Variants in SPATA16 observed in about 807,000 individuals in gnomAD.
SPATA16 encodes spermatogenesis associated 16.
In SPATA16, 36 loss-of-function variants were observed where a neutral mutation model predicts 63.3. The ratio of observed to expected loss-of-function variants is 0.57; its 90% confidence interval spans 0.44 to 0.75. SPATA16 has a LOEUF of 0.75. SPATA16 is among the 30% of genes least tolerant of loss of function. The pLI is 0.00. For synonymous variants in SPATA16, 203 were observed against 216.7 expected, an observed-to-expected ratio of 0.94 and a Z score of 0.56; for missense variants, 646 against 679.3, an observed-to-expected ratio of 0.95 and a Z score of 0.54.
chr3:172,924,200 A>G lies in SPATA16; in HGVS notation c.1338+8T>C. The G allele has an allele frequency of 6.3e-7, 1 of 1,594,704 alleles. No homozygotes were observed. The highest frequency in any genetic ancestry group is 8.6e-7 in the Non-Finnish European group (1 of 1,163,090). On this transcript the variant is annotated splice_region_variant and intron_variant, in intron 8 of 10. Coordinates refer to ENST00000351008, the MANE Select transcript of SPATA16 (RefSeq NM_031955.6). ...CATTGGACAAATATAAAAGACTCAT[A>G]TACCTACATTCAATTGGGTGCTTCT...
chr3:173,007,771 A>T lies in SPATA16; in HGVS notation c.848+11715T>A, dbSNP rs566025930. 4.6e-5 allele frequency among the ~76,000 whole-genome samples: 7 copies of T among 151,754 alleles called. No individual in the cohort carries two copies. The East Asian group carries it at 1.4e-3, about 29-fold the overall frequency. ...TATTGAATTGAACTTGGTAAAATAC[A>T]TCTTTTTTTTTTTTTAACAGCTGGC... On this transcript the variant is annotated intron_variant, in intron 4 of 10. Coordinates refer to ENST00000351008, the MANE Select transcript of SPATA16 (RefSeq NM_031955.6).
chr3:173,003,237 C>A (rs545055326), intron 4 of SPATA16, among the ~76,000 whole-genome samples: 12 of 152,000 alleles, frequency 7.9e-5, no homozygotes, highest in African/African-American at 2.9e-4. Flanking sequence ...AACAAAGATA[C>A]AAATGAGTAC....
chr3:173,012,590 A>G (rs1222298444), intron 4 of SPATA16, among the ~76,000 whole-genome samples: 1 of 152,220 alleles, frequency 6.6e-6, no homozygotes, highest in Non-Finnish European at 1.5e-5. Flanking sequence ...ACAGAGACCT[A>G]CAGAACAGAA....
intron 5 of SPATA16, among the ~76,000 whole-genome samples, chr3:172,957,670 A>G (rs1431984453): frequency 6.6e-6 from 1 of 152,218 alleles, no homozygotes; most frequent in Admixed American, 6.5e-5. Context: ...ATTTTTATTT[A>G]TAGGAATGAA....
At chr3:172,937,529 T>C (rs1307847599) in intron 6 of SPATA16, among the ~76,000 whole-genome samples, 1 of 152,220 alleles carries the variant, frequency 6.6e-6, no homozygotes, top group African/African-American at 2.4e-5. Context: ...CAGATTTCAG[T>C]TGAGCTGAAC....
chr3:172,932,914 A>G (rs1052160615), intron 6 of SPATA16, among the ~76,000 whole-genome samples: 5 of 152,188 alleles, frequency 3.3e-5, no homozygotes, highest in African/African-American at 1.2e-4. Flanking sequence ...CTACTTCTCC[A>G]AGATCAATTT....
chr3:172,949,200 AG>A (rs1255024203), intron 6 of SPATA16, among the ~76,000 whole-genome samples: 2 of 151,952 alleles, frequency 1.3e-5, no homozygotes, highest in Non-Finnish European at 2.9e-5. Context: ...GTGATACCAT[AG>A]AATGTTTTTA....
chr3:173,059,832 CTTTTTTTTTTTTTTTTTTT>C (rs201000096), intron 2 of SPATA16, among the ~76,000 whole-genome samples: 5 of 71,340 alleles, frequency 7.0e-5, no homozygotes, highest in South Asian at 5.6e-4. Flanking sequence ...CATTTGGTAG[CTTTTTTTTTTTTTTTTTTT>C]TTTTTTTTTT....
intron 10 of SPATA16, among the ~76,000 whole-genome samples, chr3:172,912,848 C>T (rs546529698): frequency 3.5e-4 from 53 of 152,274 alleles, no homozygotes; most frequent in African/African-American, 1.2e-3. Context: ...CTAACCACCA[C>T]GTTGTTCAAG....
intron 2 of SPATA16, among the ~76,000 whole-genome samples, chr3:173,098,839 A>G (rs1457106953): frequency 1.3e-5 from 2 of 152,208 alleles, no homozygotes; most frequent in African/African-American, 2.4e-5. Context: ...AGCCGCCCAT[A>G]TGATCACTAA....
At chr3:173,080,326 G>A (rs940384362) in intron 2 of SPATA16, among the ~76,000 whole-genome samples, 4 of 152,208 alleles carry the variant, frequency 2.6e-5, no homozygotes, top group African/African-American at 9.7e-5. Context: ...ACTAGGCAAA[G>A]ACTGAAAAGA....
rs533337713 is a variant in SPATA16, at chr3:172,993,641, T to G, written c.849-16589A>C. Reference sequence around the variant, plus strand: ...TCCTGTGGCATAATTACAATAAATATTAAATGTTTATGTGAGCATATTTGT... The same window carrying G: ...TCCTGTGGCATAATTACAATAAATAGTAAATGTTTATGTGAGCATATTTGT... On this transcript the variant is annotated intron_variant, in intron 4 of 10. Transcript: ENST00000351008. Among the ~76,000 whole-genome samples the G allele has an allele frequency of 2.0e-3, 299 of 152,234 alleles. 1 individual carries two copies. Among genetic ancestry groups the G allele is most frequent in the African/African-American group, 7.0e-3 (289 of 41,548 alleles).
rs559222567 is a variant in SPATA16 at position 173,031,216 on chromosome 3, C to T, written c.759-11641G>A. ...ACACTTAACACTGGGTAAGATCGTA[C>T]ATTTTATGTTATGTATATTTTACCA... On this transcript the variant is annotated intron_variant, in intron 3 of 10. Transcript: ENST00000351008. Among the ~76,000 whole-genome samples, 5 of 152,062 alleles carry T rather than the reference C, an allele frequency of 3.3e-5. No homozygotes were observed. In the South Asian group the frequency reaches 6.2e-4, roughly 19 times the overall value.
chr3:173,023,131 T>TTG (rs1290807119), intron 3 of SPATA16, among the ~76,000 whole-genome samples: 8 of 135,440 alleles, frequency 5.9e-5, no homozygotes, highest in Middle Eastern at 3.7e-3. Context: ...GATTTGATGC[T>TTG]TGTGTATGTG....
intron 6 of SPATA16, among the ~76,000 whole-genome samples, chr3:172,949,926 A>T (rs1354283189): frequency 6.6e-6 from 1 of 152,140 alleles, no homozygotes; most frequent in African/African-American, 2.4e-5. Context: ...GCATTTTACA[A>T]GGTTTTGCTG....
At chr3:173,020,307 A>G (rs1304460094) in intron 3 of SPATA16, among the ~76,000 whole-genome samples, 1 of 152,024 alleles carries the variant, frequency 6.6e-6, no homozygotes, top group Middle Eastern at 3.2e-3. Flanking sequence ...AAAAAAAAAA[A>G]AGAGGAACTG....
chr3:173,015,502 T>G (rs1299980148), intron 4 of SPATA16, among the ~76,000 whole-genome samples: 1 of 152,232 alleles, frequency 6.6e-6, no homozygotes, highest in Admixed American at 6.5e-5. Flanking sequence ...TGCCTATGTA[T>G]TTTCAATTTA....
rs148475268 is a variant in SPATA16, at chr3:173,119,434, CCATTGGA to C, written c.-18-1692_-18-1686del. 1.5e-3 allele frequency among the ~76,000 whole-genome samples: 225 copies of C among 152,252 alleles called. 3 individuals carry two copies. In the South Asian group the frequency reaches 0.026, roughly 18 times the overall value. ...CTTTGAAGTACTTTCCCCCTTTGTA[CCATTGGA>C]CACATATGTTGTCAGAAAAGGTTTA... On this transcript the variant is annotated intron_variant, in intron 1 of 10. Transcript: ENST00000351008.
chr3:173,012,456 C>G (rs1359573617), intron 4 of SPATA16, among the ~76,000 whole-genome samples: 2 of 152,072 alleles, frequency 1.3e-5, no homozygotes, highest in Non-Finnish European at 2.9e-5. Flanking sequence ...CAAGCAAGAG[C>G]CCATATAGCC....
Sources: allele counts gnomAD v4.1 joint callset (sites outside exome capture counted in the v4.1 genomes callset), GRCh38; gene constraint gnomAD v4.1.1; transcripts MANE v1.5; gene names NCBI Gene and HGNC (gene_info 2026-07-23, HGNC 2026-07-21).